Variants in NETO1 observed in about 807,000 individuals in gnomAD.
NETO1 encodes the protein neuropilin and tolloid-like protein 1.
In NETO1, 26 loss-of-function variants were observed where a neutral mutation model predicts 61.3. The observed-to-expected ratio is 0.42, with a 90% CI of 0.31 to 0.59. NETO1 has a LOEUF of 0.59. Ranked by LOEUF, NETO1 falls within the 20% of genes least tolerant of loss-of-function variation. The probability of loss-of-function intolerance (pLI) is 0.12; values close to 1 mark genes in which losing one functional copy is unlikely to be tolerated. For missense variants in NETO1, 531 were observed against 662.8 expected (o/e 0.80, Z 2.18); for synonymous variants, 225 against 225.8 (o/e 1.00, Z 0.03).
In NETO1 at chr18:72,813,494, A is replaced by G. The variant is rs148464428; in HGVS notation, c.470-19090T>C. 3.0e-3 allele frequency among the ~76,000 whole-genome samples: 452 copies of G among 152,362 alleles called. 4 individuals carry two copies. The highest frequency in any genetic ancestry group is 0.01 in the African/African-American group (417 of 41,592). Reference sequence around the variant, plus strand: ...AAATGAATCTTGAAAGATTCCAAATAGTAGAACTACCATGCACAGACCATA... The same window carrying G: ...AAATGAATCTTGAAAGATTCCAAATGGTAGAACTACCATGCACAGACCATA... On this transcript the variant is annotated intron_variant, in intron 4 of 10. Transcript: ENST00000327305.
In NETO1 at chr18:72,762,829, T is replaced by G. The variant is rs117042223; in HGVS notation, c.869-6682A>C. Among the ~76,000 whole-genome samples, 211 of 152,302 alleles carry G rather than the reference T, an allele frequency of 1.4e-3. 1 individual carries two copies. In the East Asian group the frequency reaches 0.036, roughly 26 times the overall value. On this transcript the variant is annotated intron_variant, in intron 7 of 10. Transcript: ENST00000327305. ...AGTAACTCCTAAACCTATACATTAC[T>G]AATTCTTTAAATAAGCAAATTATGT...
intron 4 of NETO1, among the ~76,000 whole-genome samples, chr18:72,857,443 T>C (rs898789932): frequency 3.3e-5 from 5 of 152,238 alleles, no homozygotes; most frequent in African/African-American, 1.2e-4. Flanking sequence ...TGACAAAGCA[T>C]GACAGCTGAC....
intron 4 of NETO1, among the ~76,000 whole-genome samples, chr18:72,840,807 G>C (rs924138193): frequency 1.3e-5 from 2 of 152,160 alleles, no homozygotes; most frequent in Non-Finnish European, 2.9e-5. Context: ...TAGAGTGACT[G>C]ATATTAGAAA....
At chr18:72,753,843 C>A (rs1476964339) in intron 8 of NETO1, among the ~76,000 whole-genome samples, 1 of 152,108 alleles carries the variant, frequency 6.6e-6, no homozygotes, top group Non-Finnish European at 1.5e-5. Flanking sequence ...GAGGAAATGA[C>A]ACCAGGGTAA....
intron 4 of NETO1, among the ~76,000 whole-genome samples, chr18:72,843,603 G>A (rs976654236): frequency 6.6e-6 from 1 of 152,090 alleles, no homozygotes; most frequent in East Asian, 1.9e-4. Flanking sequence ...GTGTACCCTT[G>A]TGCCTTTCAG....
intron 1 of NETO1, among the ~76,000 whole-genome samples, chr18:72,866,490 T>C (rs1250278663): frequency 6.6e-6 from 1 of 152,058 alleles, no homozygotes; most frequent in African/African-American, 2.4e-5. Context: ...GGTATGCACA[T>C]CCTTCAGCAT....
At chr18:72,825,500 GTAT>G (rs2145337635) in intron 4 of NETO1, among the ~76,000 whole-genome samples, 1 of 151,678 alleles carries the variant, frequency 6.6e-6, no homozygotes, top group African/African-American at 2.4e-5. Flanking sequence ...TATTTTCCAT[GTAT>G]TATTATTTCT....
intron 1 of NETO1, among the ~76,000 whole-genome samples, chr18:72,866,335 T>C (rs1230733117): frequency 6.6e-6 from 1 of 152,196 alleles, no homozygotes; most frequent in Admixed American, 6.5e-5. Flanking sequence ...ATTTAAAATA[T>C]TGTCAATTGT....
At chr18:72,849,983 C>T (rs1021936720) in intron 4 of NETO1, among the ~76,000 whole-genome samples, 5 of 152,204 alleles carry the variant, frequency 3.3e-5, no homozygotes, top group Non-Finnish European at 7.3e-5. Context: ...CTGAGAAAGC[C>T]TTGTAATTAC....
chr18:72,819,530 A>G lies in NETO1; in HGVS notation c.470-25126T>C, dbSNP rs189022017. 7.6e-4 allele frequency among the ~76,000 whole-genome samples: 116 copies of G among 152,336 alleles called. 1 individual carries two copies. Among genetic ancestry groups the G allele is most frequent in the Admixed American group, 2.1e-3 (32 of 15,300 alleles). ...TTCCTAAGCTTTGCCCTAGTCATCA[A>G]GCATTTAATTAATTCTAATAATGCC... On this transcript the variant is annotated intron_variant, in intron 4 of 10. Transcript: ENST00000327305.
intron 7 of NETO1, among the ~76,000 whole-genome samples, chr18:72,777,894 C>G (rs886900024): frequency 6.6e-6 from 1 of 152,156 alleles, no homozygotes; most frequent in Non-Finnish European, 1.5e-5. Context: ...AGGTCTTGAC[C>G]TGGGGTGGCC....
At chr18:72,764,878 G>A (rs748961727) in intron 7 of NETO1, among the ~76,000 whole-genome samples, 4 of 152,200 alleles carry the variant, frequency 2.6e-5, no homozygotes, top group Non-Finnish European at 5.9e-5. Context: ...CCCGGATACC[G>A]TTGAGCCAGT....
At chr18:72,760,925 TA>T (rs142566105) in intron 7 of NETO1, among the ~76,000 whole-genome samples, 2,994 of 152,230 alleles carry the variant, frequency 0.02, 85 homozygotes, top group African/African-American at 0.068. Context: ...ATTTAAGAAT[TA>T]AATGTGATAG....
chr18:72,748,344 TA>T, intron 10 of NETO1, 180 bp from the exon 11 acceptor site: 1 of 966,424 alleles, frequency 1.0e-6, no homozygotes, highest in Non-Finnish European at 1.2e-6. Context: ...CAAATTAGGC[TA>T]ATATAGATAT....
chr18:72,851,147 C>T (rs763426914), intron 4 of NETO1, among the ~76,000 whole-genome samples: 1 of 151,906 alleles, frequency 6.6e-6, no homozygotes, highest in Admixed American at 6.6e-5. Context: ...CATGGTGGCT[C>T]ACGCCTGTAA....
intron 4 of NETO1, among the ~76,000 whole-genome samples, chr18:72,801,019 TC>T (rs1157804077): frequency 1.3e-5 from 2 of 152,156 alleles, no homozygotes; most frequent in African/African-American, 2.4e-5. Flanking sequence ...TTTCCCAGCC[TC>T]CCTTGCAATT....
chr18:72,746,277 G>A lies in NETO1; in HGVS notation c.*1902C>T, dbSNP rs1480547536. ...AAATGGAGAAAGCAATATAAGATAT[G>A]ATTAATCCTTTAAAAAAATCTTTGG... is the stretch of plus-strand genomic sequence containing the variant. On this transcript the variant is annotated 3_prime_UTR_variant, in exon 11 of 11. Transcript: ENST00000327305. Among the ~76,000 whole-genome samples the A allele has an allele frequency of 6.6e-6, 1 of 151,968 alleles. No individual in the cohort carries two copies. The highest frequency in any genetic ancestry group is 1.5e-5 in the Non-Finnish European group (1 of 67,984).
chr18:72,853,751 CA>C (rs5826212), intron 4 of NETO1, among the ~76,000 whole-genome samples: 31 of 141,288 alleles, frequency 2.2e-4, no homozygotes, highest in Non-Finnish European at 2.1e-4. Context: ...AGTGAGATGT[CA>C]AAAAAAAAAA....
intron 4 of NETO1, among the ~76,000 whole-genome samples, chr18:72,829,053 G>C (rs1417011652): frequency 2.0e-5 from 3 of 151,986 alleles, no homozygotes; most frequent in Non-Finnish European, 4.4e-5. Flanking sequence ...CAAATGAAAT[G>C]GGAAAAAGGA....
Sources: gnomAD v4.1 joint callset for allele counts (sites outside exome capture counted in the v4.1 genomes callset) on GRCh38, gnomAD v4.1.1 for gene constraint, MANE v1.5 for transcripts, NCBI Gene and HGNC (gene_info 2026-07-23, HGNC 2026-07-21) for gene names.